The following NFKB1 variants were observed in gnomAD, a reference collection of about 807,000 sequenced individuals.
The protein encoded by NFKB1 is nuclear factor NF-kappa-B p105 subunit.
In NFKB1, 9 loss-of-function variants were observed where a neutral mutation model predicts 105.1. The ratio of observed to expected loss-of-function variants is 0.09; its 90% CI spans 0.05 to 0.15. The LOEUF is 0.15. NFKB1 is among the 10% of genes least tolerant of loss of function. The pLI is 1.00. For missense variants in NFKB1, 830 were observed against 1,203.7 expected (o/e 0.69, Z 4.59); for synonymous variants, 440 against 442.2 (o/e 1.00, Z 0.06).
chr4:102,525,370 C>G lies in NFKB1; in HGVS notation c.-7-142C>G. The G allele has an allele frequency of 6.1e-6, 4 of 653,864 alleles. No individual in the cohort carries two copies. The South Asian group carries it at 9.5e-5, about 16-fold the overall frequency. The allele number at this position is 653,864 out of a possible 1,614,324, so 40.5% of individuals were successfully genotyped here. On this transcript the variant is annotated intron_variant, in intron 1 of 23. Coordinates refer to ENST00000226574, the MANE Select transcript of NFKB1 (RefSeq NM_003998.4). Reference sequence around the variant, plus strand: ...TACCAAAGAGGAACTACATCATGTCCTCCTCCTATGGTCTTCAAAAAAGGA... The same window carrying G: ...TACCAAAGAGGAACTACATCATGTCGTCCTCCTATGGTCTTCAAAAAAGGA...
rs754187388 is a variant in NFKB1, at chr4:102,502,390, G to GCACACACACACACA, written c.-8+626_-8+639dup. Among the ~76,000 whole-genome samples the GCACACACACACACA allele has an allele frequency of 1.1e-3, 111 of 105,388 alleles. 2 individuals are homozygous for GCACACACACACACA. The highest frequency in any genetic ancestry group is 3.3e-3 in the African/African-American group (80 of 24,006). 69.1% of individuals were successfully genotyped at this position (105,388 alleles called of 152,430 possible). A position where few individuals can be genotyped will look rare whatever the true frequency, so the allele number is the denominator to read the frequency against. ...CCCCCCTCCGTGCGCGCGCGCGCGCGCACACACACACACACACACACACAC... is the reference window on the plus strand; with the variant it reads ...CCCCCCTCCGTGCGCGCGCGCGCGCGCACACACACACACACACACACACACACACACACACACAC... On this transcript the variant is annotated intron_variant, in intron 1 of 23. Coordinates refer to ENST00000226574, the MANE Select transcript of NFKB1 (RefSeq NM_003998.4).
intron 6 of NFKB1, among the ~76,000 whole-genome samples, chr4:102,568,058 C>T (rs759841673): frequency 6.6e-6 from 1 of 152,152 alleles, no homozygotes. Flanking sequence ...CCCAGTTAAT[C>T]TGGCTTATTC....
At chr4:102,556,311 A>G (rs937331814) in intron 5 of NFKB1, among the ~76,000 whole-genome samples, 5 of 152,176 alleles carry the variant, frequency 3.3e-5, no homozygotes, top group Admixed American at 6.6e-5. Flanking sequence ...AGATGAGAAC[A>G]TGAGATTTCA....
chr4:102,612,357 C>G (rs879096614), intron 21 of NFKB1, 77 bp from the exon 22 acceptor site: 13 of 1,471,726 alleles, frequency 8.8e-6, no homozygotes, highest in Middle Eastern at 2.5e-4. Flanking sequence ...GGACAGCAAG[C>G]CAGGCAGCAA....
In NFKB1 at chr4:102,596,373, G is replaced by A. The variant is rs372529487; in HGVS notation, c.1495+41G>A. On this transcript the variant is annotated intron_variant, in intron 14 of 23. Transcript: ENST00000226574. ...AATTACGTTCTGTTGGTTGGCTGGGGAGGGGTCAGTCCTAGGTGCAGAAAG... is the reference window on the plus strand; with the variant it reads ...AATTACGTTCTGTTGGTTGGCTGGGAAGGGGTCAGTCCTAGGTGCAGAAAG... The A allele has an allele frequency of 5.7e-5, 88 of 1,543,820 alleles. No homozygotes were observed. The African/African-American group carries it at 1.0e-3, about 18-fold the overall frequency.
intron 6 of NFKB1, among the ~76,000 whole-genome samples, chr4:102,571,013 C>A (rs1005858851): frequency 6.6e-6 from 1 of 152,146 alleles, no homozygotes; most frequent in Non-Finnish European, 1.5e-5. Context: ...CAAAAAAGAG[C>A]CTGCATTGCC....
intron 4 of NFKB1, among the ~76,000 whole-genome samples, chr4:102,535,798 G>T (rs1309695506): frequency 2.6e-5 from 4 of 151,870 alleles, no homozygotes; most frequent in African/African-American, 9.7e-5. Flanking sequence ...CTCCCAATAA[G>T]ATATAAACAC....
At chr4:102,531,816 A>C (rs1741310362) in intron 3 of NFKB1, among the ~76,000 whole-genome samples, 1 of 152,218 alleles carries the variant, frequency 6.6e-6, no homozygotes, top group Non-Finnish European at 1.5e-5. Flanking sequence ...GCAAATTTGC[A>C]GTTGTTTTTA....
intron 11 of NFKB1, among the ~76,000 whole-genome samples, chr4:102,587,299 T>C (rs1192564906): frequency 6.6e-6 from 1 of 152,186 alleles, no homozygotes; most frequent in Non-Finnish European, 1.5e-5. Flanking sequence ...AAGAAAAATA[T>C]GGATAATTTT....
chr4:102,612,108 A>T lies in NFKB1; in HGVS notation c.2417A>T (p.Gln806Leu). The T allele has an allele frequency of 6.2e-7, 1 of 1,613,616 alleles. No homozygotes were observed. Among genetic ancestry groups the T allele is most frequent in the Non-Finnish European group, 8.5e-7 (1 of 1,179,606 alleles). Residue 806 changes from glutamine (Q) to leucine (L), a missense_variant and splice_region_variant, in exon 21 of 24, where the codon CAA (glutamine) becomes CTA (leucine). By Grantham distance (113) the Gln-to-Leu change is moderately radical. Transcript: ENST00000226574. ...TTTACATCTGATGATTTACTAGCAC[A>T]AGGTGGGTTGTGATAAAACCAGATT... ...PEFTSDDLLA[Q>L]GDMKQLAEDV...
chr4:102,538,555 G>A (rs1250513635), intron 5 of NFKB1, among the ~76,000 whole-genome samples: 1 of 152,192 alleles, frequency 6.6e-6, no homozygotes, highest in Admixed American at 6.5e-5. Context: ...CTGAGCAGAT[G>A]TGTGGCCCTC....
At chr4:102,577,108 T>C (rs1724888616) in intron 7 of NFKB1, 69 bp downstream of exon 7, 6 of 1,482,142 alleles carry the variant, frequency 4.0e-6, no homozygotes, top group Non-Finnish European at 5.5e-6. Context: ...GTATGAATTA[T>C]ATGTTCATCT....
chr4:102,556,052 G>A (rs2149151068), intron 5 of NFKB1, among the ~76,000 whole-genome samples: 1 of 152,214 alleles, frequency 6.6e-6, no homozygotes, highest in Middle Eastern at 3.4e-3. Context: ...AGATTTTTGG[G>A]GTGGTACTCA....
chr4:102,578,534 T>C, intron 7 of NFKB1: 2 of 330,286 alleles, frequency 6.1e-6, no homozygotes, highest in Non-Finnish European at 1.1e-5. Context: ...AGCTGGTGCC[T>C]AGTAGGGTTA....
chr4:102,517,508 C>T (rs914666029), intron 1 of NFKB1, among the ~76,000 whole-genome samples: 1 of 152,064 alleles, frequency 6.6e-6, no homozygotes, highest in Non-Finnish European at 1.5e-5. Context: ...TTTGCCAATA[C>T]AAAAAAGCAA....
chr4:102,554,352 T>C (rs890537209), intron 5 of NFKB1, among the ~76,000 whole-genome samples: 3 of 152,192 alleles, frequency 2.0e-5, no homozygotes, highest in Admixed American at 6.5e-5. Context: ...TATGCCACAT[T>C]TGGGAAAAGA....
intron 3 of NFKB1, among the ~76,000 whole-genome samples, chr4:102,531,264 T>C (rs73837261): frequency 0.023 from 3,490 of 152,336 alleles, 65 homozygotes; most frequent in African/African-American, 0.058. Flanking sequence ...CACAGCTTTA[T>C]GTTGTAGAAA....
intron 8 of NFKB1, among the ~76,000 whole-genome samples, chr4:102,579,812 T>C (rs1725182127): frequency 6.6e-6 from 1 of 151,962 alleles, no homozygotes; most frequent in African/African-American, 2.4e-5. Context: ...GTACTCAGAC[T>C]CATTGAAAGT....
intron 6 of NFKB1, among the ~76,000 whole-genome samples, chr4:102,576,606 A>G (rs912035306): frequency 6.6e-6 from 1 of 152,176 alleles, no homozygotes; most frequent in Non-Finnish European, 1.5e-5. Flanking sequence ...CCAATTATAT[A>G]TTTCGCTGAG....
Sources: gnomAD v4.1 joint callset for allele counts (sites outside exome capture counted in the v4.1 genomes callset) on GRCh38, gnomAD v4.1.1 for gene constraint, MANE v1.5 for transcripts, NCBI Gene and HGNC (gene_info 2026-07-23, HGNC 2026-07-21) for gene names.